The following ZBTB44 variants were observed in gnomAD, a reference collection of about 807,000 sequenced individuals.
ZBTB44 encodes zinc finger and BTB domain-containing protein 44.
ZBTB44 carries 15 observed loss-of-function variants against 54.0 expected under a neutral mutation model. The observed-to-expected ratio is 0.28, with a 90% confidence interval of 0.19 to 0.43. The LOEUF (loss-of-function observed/expected upper bound fraction) is 0.43, where lower values mean the gene tolerates loss of function less well. Among genes scored for constraint, ZBTB44 ranks in the 20% least tolerant of loss-of-function variants. The probability of loss-of-function intolerance (pLI) is 1.00; values close to 1 mark genes in which losing one functional copy is unlikely to be tolerated. For synonymous variants in ZBTB44, 230 were observed against 250.1 expected, an observed-to-expected ratio of 0.92 and a Z score of 0.76; for missense variants, 487 against 707.1, an observed-to-expected ratio of 0.69 and a Z score of 3.53.
chr11:130,289,129 T>C (rs1941149519), intron 1 of ZBTB44, among the ~76,000 whole-genome samples: 1 of 152,080 alleles, frequency 6.6e-6, no homozygotes. Flanking sequence ...TGGATGGGTG[T>C]AATGTTTGTG....
intron 1 of ZBTB44, chr11:130,295,986 G>GT (rs1941619250): frequency 5.2e-6 from 8 of 1,549,970 alleles, no homozygotes; most frequent in Non-Finnish European, 7.1e-6. Flanking sequence ...GCCGTCTGCT[G>GT]TATCATATGC....
rs111530654 is a variant in ZBTB44 at position 130,277,933 on chromosome 11, T to C, written c.-56-16004A>G. On this transcript the variant is annotated intron_variant, in intron 1 of 7. Transcript: ENST00000357899. ...TCCTTTGCACATTTTGAATATGTTCTCCCAACGCCTTCTGGCCTCCACTGC... is the reference window on the plus strand; with the variant it reads ...TCCTTTGCACATTTTGAATATGTTCCCCCAACGCCTTCTGGCCTCCACTGC... Among the ~76,000 whole-genome samples, 1,382 of 152,324 alleles carry C rather than the reference T, an allele frequency of 9.1e-3. 24 individuals are homozygous for C. Among genetic ancestry groups the C allele is most frequent in the African/African-American group, 0.03 (1,247 of 41,578 alleles).
Position 130,301,081 on chromosome 11 carries a change from C to T in ZBTB44, c.-57+13294G>A, listed in dbSNP as rs189887670. Among the ~76,000 whole-genome samples the T allele has an allele frequency of 3.5e-3, 529 of 151,608 alleles. 1 individual carries two copies. Among genetic ancestry groups the T allele is most frequent in the African/African-American group, 9.3e-3 (383 of 41,258 alleles). On this transcript the variant is annotated intron_variant, in intron 1 of 7. Coordinates refer to ENST00000357899, the MANE Select transcript of ZBTB44 (RefSeq NM_001301098.2). ...AGGGAAAGGTTAAAGATACAGGAAACGGGTGATAACAGATGGTATAAGGTC... is the reference window on the plus strand; with the variant it reads ...AGGGAAAGGTTAAAGATACAGGAAATGGGTGATAACAGATGGTATAAGGTC...
rs560237680 is a variant in ZBTB44 at position 130,280,746 on chromosome 11, ATTAGTTC to A, written c.-56-18824_-56-18818del. Among the ~76,000 whole-genome samples, 39 of 152,354 alleles carry A rather than the reference ATTAGTTC, an allele frequency of 2.6e-4. 1 individual carries two copies. In the South Asian group the frequency reaches 8.1e-3, roughly 32 times the overall value. On this transcript the variant is annotated intron_variant, in intron 1 of 7. Transcript: ENST00000357899. ...TTACGTTGACTTGTTCCTGTCATTG[ATTAGTTC>A]TAGCACGCTTTTTGTATTTTTAAAA...
At chr11:130,287,897 A>C (rs925688058) in intron 1 of ZBTB44, among the ~76,000 whole-genome samples, 1 of 151,910 alleles carries the variant, frequency 6.6e-6, no homozygotes, top group Admixed American at 6.6e-5. Flanking sequence ...AATTTAAAAA[A>C]TTATTCACCT....
Position 130,299,038 on chromosome 11 carries a change from G to A in ZBTB44, c.-57+15337C>T, listed in dbSNP as rs561536843. 3.3e-5 allele frequency among the ~76,000 whole-genome samples: 5 copies of A among 152,034 alleles called. No homozygotes were observed. The East Asian group carries it at 9.7e-4, about 30-fold the overall frequency. ...GTGGAGGTTACAGTGAGCCAAGATC[G>A]ATCCACTGCACTCCAGCCTGGGTAA... On this transcript the variant is annotated intron_variant, in intron 1 of 7. Coordinates refer to ENST00000357899, the MANE Select transcript of ZBTB44 (RefSeq NM_001301098.2).
Position 130,261,322 on chromosome 11 carries a change from G to T in ZBTB44, c.552C>A (p.Arg184=). Residue 184 remains arginine, a synonymous_variant, in exon 2 of 8, where the codon CGC becomes CGA. Transcript: ENST00000357899. The surrounding 1 kb of genome is among the most constrained non-coding windows in gnomAD (Gnocchi z 4.8). ...CAGGAGACATAACAATGTAGCTTTT[G>T]CGCTTTCTCCGGGATTCTCGGCAGA... ...IPVCRESRRK[R]KSYIVMSPES... is the part of the protein sequence containing the mutation. 6.2e-7 allele frequency: 1 copy of T among 1,613,868 alleles called. No individual in the cohort carries two copies. Among genetic ancestry groups the T allele is most frequent in the Non-Finnish European group, 8.5e-7 (1 of 1,179,892 alleles).
rs138746316 is a variant in ZBTB44 at position 130,285,098 on chromosome 11, T to A, written c.-56-23169A>T. On this transcript the variant is annotated intron_variant, in intron 1 of 7. Coordinates refer to ENST00000357899, the MANE Select transcript of ZBTB44 (RefSeq NM_001301098.2). ...TTTTACCAGTGCTGGTGGGAACCAG[T>A]GAGTTCTTCCTTTCCGAAGTATGGA... The A allele has an allele frequency of 3.0e-3, 496 of 164,988 alleles. 4 individuals are homozygous for A. Among genetic ancestry groups the A allele is most frequent in the African/African-American group, 0.011 (452 of 41,602 alleles). The allele number at this position is 164,988 out of a possible 1,614,324, so 10.2% of individuals were successfully genotyped here.
intron 1 of ZBTB44, among the ~76,000 whole-genome samples, chr11:130,271,294 G>A (rs1443404241): frequency 6.6e-6 from 1 of 152,054 alleles, no homozygotes; most frequent in Non-Finnish European, 1.5e-5. Context: ...AATGAATATG[G>A]CTAGCACCCA....
intron 1 of ZBTB44, among the ~76,000 whole-genome samples, chr11:130,298,502 A>G (rs1040878106): frequency 1.5e-5 from 2 of 130,482 alleles, no homozygotes; most frequent in Non-Finnish European, 1.6e-5. Context: ...TCGCTCTGTC[A>G]CCCAGGCTGG....
intron 1 of ZBTB44, among the ~76,000 whole-genome samples, chr11:130,266,747 A>G (rs1402999788): frequency 6.6e-6 from 1 of 152,218 alleles, no homozygotes; most frequent in Non-Finnish European, 1.5e-5. Context: ...TTCAAAATGG[A>G]GTCTGAATTG....
chr11:130,290,078 A>C (rs1428230158), intron 1 of ZBTB44, among the ~76,000 whole-genome samples: 1 of 152,206 alleles, frequency 6.6e-6, no homozygotes, highest in Non-Finnish European at 1.5e-5. Flanking sequence ...AGATTATCCC[A>C]GATTACCCAG....
intron 1 of ZBTB44, 74 bp from the exon 2 acceptor site, chr11:130,262,003 G>C: frequency 9.0e-7 from 1 of 1,106,978 alleles, no homozygotes; most frequent in Non-Finnish European, 1.2e-6. Context: ...ATTTTCATGT[G>C]GCCACTGTAC....
chr11:130,298,010 GCTTA>G (rs1565333722), intron 1 of ZBTB44, among the ~76,000 whole-genome samples: 2 of 152,128 alleles, frequency 1.3e-5, no homozygotes. Flanking sequence ...GCTGGAGTTG[GCTTA>G]CTTTAATATC....
chr11:130,257,505 A>C (rs996762092), intron 2 of ZBTB44, among the ~76,000 whole-genome samples: 1 of 152,220 alleles, frequency 6.6e-6, no homozygotes, highest in Admixed American at 6.5e-5. Flanking sequence ...TACAAGCCAA[A>C]GAACACCAAG....
At chr11:130,252,524 A>G (rs1817826482) in intron 2 of ZBTB44, among the ~76,000 whole-genome samples, 1 of 152,230 alleles carries the variant, frequency 6.6e-6, no homozygotes, top group Non-Finnish European at 1.5e-5. Flanking sequence ...ACATAATTGG[A>G]AGTAAAACAC....
Position 130,239,826 on chromosome 11 carries a change from C to A in ZBTB44, c.1089G>T (p.Pro363=). ...TTAGTACTGACCGATCATCATCATC[C>A]GGAGGAGCATTAGTGCTAGACGTGC... ...LQSTSSTNAP[P]DDDDRLENVQ... The change falls in exon 3 of 8, where the codon CCG becomes CCT. Residue 363 remains proline (P), a synonymous_variant. Transcript: ENST00000357899. The A allele has an allele frequency of 1.9e-6, 3 of 1,612,150 alleles. No homozygotes were observed. Among genetic ancestry groups the A allele is most frequent in the Non-Finnish European group, 2.5e-6 (3 of 1,178,852 alleles).
chr11:130,273,038 G>C (rs760283673), intron 1 of ZBTB44, among the ~76,000 whole-genome samples: 1 of 152,074 alleles, frequency 6.6e-6, no homozygotes, highest in Admixed American at 6.6e-5. Flanking sequence ...TGGGTCCCCT[G>C]CAACTCCATA....
intron 1 of ZBTB44, among the ~76,000 whole-genome samples, chr11:130,286,384 C>A (rs1940962358): frequency 6.6e-6 from 1 of 152,118 alleles, no homozygotes; most frequent in Non-Finnish European, 1.5e-5. Context: ...TAAAAAAAAT[C>A]TATTAATTTG....
Sources: allele counts gnomAD v4.1 joint callset (sites outside exome capture counted in the v4.1 genomes callset), GRCh38; gene constraint gnomAD v4.1.1; non-coding constraint Gnocchi (gnomAD v3.1); transcripts MANE v1.5; gene names NCBI Gene and HGNC (gene_info 2026-07-23, HGNC 2026-07-21).